ZNF341: variants seen among roughly 807,000 people sequenced by gnomAD.
The protein encoded by ZNF341 is zinc finger protein 341.
In ZNF341, 52 loss-of-function variants were observed where a neutral mutation model predicts 87.7. That is an observed-to-expected ratio of 0.59 (90% CI 0.47 to 0.75). The LOEUF (loss-of-function observed/expected upper bound fraction) is 0.75. ZNF341 is among the 30% of genes least tolerant of loss of function. The pLI, the probability that ZNF341 is intolerant of heterozygous loss-of-function variation, is 0.00. For synonymous variants in ZNF341, 459 were observed against 472.7 expected, an observed-to-expected ratio of 0.97 and a Z score of 0.38; for missense variants, 977 against 1,145.9, an observed-to-expected ratio of 0.85 and a Z score of 2.13.
At chr20:33,753,050 C>A (rs2019094709) in intron 4 of ZNF341, 122 bp from the exon 5 acceptor site, 1 of 1,418,554 alleles carries the variant, frequency 7.0e-7, no homozygotes, top group East Asian at 2.3e-5. Flanking sequence ...TAGCCCCTCT[C>A]CTGAGCTGTC....
intron 3 of ZNF341, 42 bp from the exon 4 acceptor site, chr20:33,748,881 G>A: frequency 6.4e-7 from 1 of 1,573,174 alleles, no homozygotes; most frequent in South Asian, 1.2e-5. Context: ...CACACACTCT[G>A]TCTCTCTCCG....
At chr20:33,763,745 A>G (rs2019341679) in intron 8 of ZNF341, among the ~76,000 whole-genome samples, 2 of 152,178 alleles carry the variant, frequency 1.3e-5, no homozygotes, top group Admixed American at 1.3e-4. Flanking sequence ...AGCTCTTTAT[A>G]CATGTGGGAT....
At chr20:33,744,300 AAAG>A (rs1282706787) in intron 2 of ZNF341, among the ~76,000 whole-genome samples, 110 of 152,020 alleles carry the variant, frequency 7.2e-4, no homozygotes, top group African/African-American at 2.6e-3. Flanking sequence ...AAAAAAAAAA[AAAG>A]AAAAGAAAAG....
intron 1 of ZNF341, 68 bp from the exon 2 acceptor site, chr20:33,740,834 C>A: frequency 1.4e-6 from 2 of 1,468,350 alleles, no homozygotes; most frequent in Non-Finnish European, 1.9e-6. Flanking sequence ...CTGGGTCTGG[C>A]TTGTAAGGGT....
At chr20:33,748,840 C>T (rs1351442490) in intron 3 of ZNF341, 83 bp from the exon 4 acceptor site, 1 of 1,382,262 alleles carries the variant, frequency 7.2e-7, no homozygotes, top group African/African-American at 1.4e-5. Flanking sequence ...CCTGACATGT[C>T]CACACATGCA....
Position 33,753,360 on chromosome 20 carries a change from C to G in ZNF341, c.678C>G (p.Pro226=). 1 of 1,608,640 alleles carries G rather than the reference C, an allele frequency of 6.2e-7. No individual in the cohort carries two copies. The highest frequency in any genetic ancestry group is 1.1e-5 in the South Asian group (1 of 90,386). The change falls in exon 5 of 15, where the codon CCC becomes CCG. Residue 226 remains proline, a synonymous_variant. Coordinates refer to ENST00000375200, the MANE Select transcript of ZNF341 (RefSeq NM_001282933.2). ...GVVEVYSAAA[P]LAGSGTVEIQ... ...TGGAGGTGTACAGTGCTGCTGCGCC[C>G]CTGGCTGGGAGTGGAACGGTGGAGA...
chr20:33,753,095 A>G, intron 4 of ZNF341, 77 bp from the exon 5 acceptor site: 1 of 1,598,652 alleles, frequency 6.3e-7, no homozygotes, highest in Non-Finnish European at 8.5e-7. Flanking sequence ...GGCTGGCTAA[A>G]GCAAATGTCC....
intron 1 of ZNF341, among the ~76,000 whole-genome samples, chr20:33,737,344 C>T (rs1442046775): frequency 2.6e-5 from 4 of 151,744 alleles, no homozygotes; most frequent in Admixed American, 1.3e-4. Context: ...TTTTTTGAGA[C>T]GTAGTCTCGC....
intron 4 of ZNF341, chr20:33,752,642 ATTTTC>A (rs2019085256): frequency 5.5e-6 from 1 of 182,056 alleles, no homozygotes; most frequent in Non-Finnish European, 1.1e-5. Context: ...ATTTTTGCCT[ATTTTC>A]TTTTCTTTTT....
At chr20:33,745,884 G>T (rs889826481) in intron 3 of ZNF341, among the ~76,000 whole-genome samples, 5 of 151,816 alleles carry the variant, frequency 3.3e-5, no homozygotes, top group Non-Finnish European at 5.9e-5. Context: ...GGAGGTGCTA[G>T]GAGAGGCAGC....
At chr20:33,745,678 A>G (rs2018903142) in intron 3 of ZNF341, among the ~76,000 whole-genome samples, 1 of 152,164 alleles carries the variant, frequency 6.6e-6, no homozygotes, top group Admixed American at 6.6e-5. Context: ...TTCCGCAGTT[A>G]CTTAAATAAG....
At chr20:33,736,068 C>T (rs1259204614) in intron 1 of ZNF341, among the ~76,000 whole-genome samples, 3 of 147,348 alleles carry the variant, frequency 2.0e-5, no homozygotes, top group Admixed American at 2.0e-4. Flanking sequence ...TTTAACCACT[C>T]ACTGAAGAAC....
intron 10 of ZNF341, among the ~76,000 whole-genome samples, chr20:33,779,571 CT>C (rs1262465618): frequency 1.3e-5 from 2 of 151,928 alleles, no homozygotes; most frequent in African/African-American, 4.8e-5. Flanking sequence ...CTGCCTCAGC[CT>C]CCTGAGTAGC....
At chr20:33,775,573 G>T in intron 10 of ZNF341, among the ~76,000 whole-genome samples, 1 of 146,440 alleles carries the variant, frequency 6.8e-6, no homozygotes, top group African/African-American at 2.5e-5. Flanking sequence ...GTGCAATATT[G>T]TAAAACTATC....
chr20:33,740,005 C>A (rs531918641), intron 1 of ZNF341, among the ~76,000 whole-genome samples: 8 of 152,274 alleles, frequency 5.3e-5, no homozygotes, highest in African/African-American at 1.4e-4. Flanking sequence ...GTTGGGATTA[C>A]AGGCACACAC....
At chr20:33,788,286 G>C (rs1412262364) in intron 12 of ZNF341, 1 of 153,808 alleles carries the variant, frequency 6.5e-6, no homozygotes, top group Non-Finnish European at 1.4e-5. Context: ...GGGCGTGGTG[G>C]CACACACCTG....
chr20:33,771,313 C>T (rs1169683297), intron 10 of ZNF341, among the ~76,000 whole-genome samples: 2 of 151,930 alleles, frequency 1.3e-5, no homozygotes, highest in Admixed American at 6.6e-5. Context: ...TCCAGTGGCA[C>T]CATCACAGCT....
chr20:33,761,734 C>T (rs1238418106), intron 7 of ZNF341, 128 bp from the exon 8 acceptor site: 31 of 767,444 alleles, frequency 4.0e-5, no homozygotes, highest in Admixed American at 1.2e-4. Flanking sequence ...GGCTTGTCGC[C>T]GTGGTGTCAG....
chr20:33,747,643 C>A (rs76675687), intron 3 of ZNF341, among the ~76,000 whole-genome samples: 19,792 of 83,312 alleles, frequency 0.24, 4,097 homozygotes, highest in East Asian at 0.63. Context: ...AAAAAAAAAA[C>A]ACAGTCATTT....
Sources: allele counts gnomAD v4.1 joint callset (sites outside exome capture counted in the v4.1 genomes callset), GRCh38; gene constraint gnomAD v4.1.1; transcripts MANE v1.5; gene names NCBI Gene and HGNC (gene_info 2026-07-23, HGNC 2026-07-21).